Variants in RIMS2 observed in about 807,000 individuals in gnomAD.
The protein encoded by RIMS2 is regulating synaptic membrane exocytosis protein 2.
A neutral mutation model predicts 174.4 loss-of-function variants in RIMS2; 59 were observed. The observed-to-expected ratio is 0.34, with a 90% CI of 0.27 to 0.42. The LOEUF is 0.42. Ranked by LOEUF, RIMS2 falls within the 10% of genes least tolerant of loss-of-function variation. The pLI, the probability that RIMS2 is intolerant of heterozygous loss-of-function variation, is 1.00. For missense variants in RIMS2, 1,620 were observed against 1,666.3 expected (o/e 0.97, Z 0.48); for synonymous variants, 606 against 572.5 (o/e 1.06, Z -0.84).
chr8:103,800,608 C>T (rs546143996), intron 3 of RIMS2, among the ~76,000 whole-genome samples: 3 of 152,186 alleles, frequency 2.0e-5, no homozygotes, highest in South Asian at 2.1e-4. Flanking sequence ...TTTCCTCTTT[C>T]GTCTCTTTAT....
At chr8:103,879,921 T>A (rs1220056061) in intron 3 of RIMS2, among the ~76,000 whole-genome samples, 2 of 151,672 alleles carry the variant, frequency 1.3e-5, no homozygotes, top group Non-Finnish European at 3.0e-5. Flanking sequence ...AATCACTGAA[T>A]GAGCATTGAG....
At chr8:103,519,298 T>G (rs1230079489) in intron 1 of RIMS2, among the ~76,000 whole-genome samples, 2 of 152,126 alleles carry the variant, frequency 1.3e-5, no homozygotes, top group Non-Finnish European at 2.9e-5. Context: ...CATAAAACTC[T>G]CATTACTCAT....
rs544556193 is a variant in RIMS2 at position 103,726,047 on chromosome 8, A to G, written c.387+28751A>G. On this transcript the variant is annotated intron_variant, in intron 2 of 23. Coordinates refer to ENST00000504942, the Ensembl canonical transcript of RIMS2. ...ATTGACTTACAGATGTTCTCACTCTATATATACTGAACAAATATCATATAT... is the reference window on the plus strand; with the variant it reads ...ATTGACTTACAGATGTTCTCACTCTGTATATACTGAACAAATATCATATAT... Among the ~76,000 whole-genome samples the G allele has an allele frequency of 2.0e-5, 3 of 152,316 alleles. No individual in the cohort carries two copies. In the South Asian group the frequency reaches 6.2e-4, roughly 32 times the overall value.
intron 2 of RIMS2, among the ~76,000 whole-genome samples, chr8:103,720,580 T>G (rs889536433): frequency 2.0e-5 from 3 of 152,194 alleles, no homozygotes; most frequent in Non-Finnish European, 4.4e-5. Context: ...ATCACAAGTT[T>G]ATATATTACT....
chr8:103,637,422 A>G (rs2096114324), intron 1 of RIMS2, among the ~76,000 whole-genome samples: 2 of 152,154 alleles, frequency 1.3e-5, no homozygotes, highest in African/African-American at 2.4e-5. Context: ...TCACAAACTG[A>G]TTTGGAATGT....
chr8:103,557,559 G>C (rs1017784114), intron 1 of RIMS2, among the ~76,000 whole-genome samples: 2 of 152,140 alleles, frequency 1.3e-5, no homozygotes, highest in African/African-American at 2.4e-5. Context: ...TCCAGGCACT[G>C]TTCTAGAAAT....
intron 1 of RIMS2, among the ~76,000 whole-genome samples, chr8:103,536,392 G>GA (rs1350091893): frequency 6.6e-6 from 1 of 152,136 alleles, no homozygotes; most frequent in Admixed American, 6.5e-5. Context: ...GCAGAGTATA[G>GA]AAACGGTGAA....
intron 19 of RIMS2, among the ~76,000 whole-genome samples, chr8:104,206,144 G>A (rs2099079088): frequency 6.6e-6 from 1 of 152,042 alleles, no homozygotes; most frequent in Non-Finnish European, 1.5e-5. Context: ...AAAATTTTAG[G>A]TTGCCTCATG....
chr8:103,524,246 G>T (rs949386791), intron 1 of RIMS2, among the ~76,000 whole-genome samples: 2 of 151,486 alleles, frequency 1.3e-5, no homozygotes. Context: ...TGAAGAGAGA[G>T]TATAGAGAAT....
At chr8:103,936,771 C>G in intron 13 of RIMS2, 49 bp downstream of exon 15, 1 of 1,322,506 alleles carries the variant, frequency 7.6e-7, no homozygotes, top group South Asian at 1.4e-5. Context: ...ATCCTGAATA[C>G]TTTTATTTAT....
chr8:104,022,419 C>T (rs1197622424), intron 19 of RIMS2, among the ~76,000 whole-genome samples: 2 of 151,952 alleles, frequency 1.3e-5, no homozygotes, highest in Non-Finnish European at 2.9e-5. Context: ...CTTGCTCTCT[C>T]GCCCAGGCTG....
chr8:103,526,965 A>G (rs1019413067), intron 1 of RIMS2, among the ~76,000 whole-genome samples: 3 of 152,228 alleles, frequency 2.0e-5, no homozygotes, highest in South Asian at 2.1e-4. Context: ...GCATATCACA[A>G]TAATGGCCAA....
chr8:104,017,089 T>C (rs1031413673), intron 19 of RIMS2, among the ~76,000 whole-genome samples: 18 of 152,010 alleles, frequency 1.2e-4, no homozygotes, highest in African/African-American at 4.3e-4. Flanking sequence ...TTTTAAAGTG[T>C]TTTTATAAAT....
intron 1 of RIMS2, among the ~76,000 whole-genome samples, chr8:103,693,292 T>G (rs1394522052): frequency 6.6e-6 from 1 of 152,168 alleles, no homozygotes; most frequent in Non-Finnish European, 1.5e-5. Flanking sequence ...TTTAAGACTG[T>G]TTTTTCTACC....
intron 1 of RIMS2, among the ~76,000 whole-genome samples, chr8:103,665,263 C>T (rs908100878): frequency 6.6e-6 from 1 of 152,156 alleles, no homozygotes; most frequent in African/African-American, 2.4e-5. Context: ...TACCCTAGAA[C>T]TTAAAGTATA....
chr8:103,571,986 G>T (rs540726474), intron 1 of RIMS2, among the ~76,000 whole-genome samples: 4 of 152,268 alleles, frequency 2.6e-5, no homozygotes, highest in South Asian at 2.1e-4. Flanking sequence ...TCCAGCATTG[G>T]TTCCTTCCGG....
chr8:103,696,862 C>CAAAAAAAAAAAAAA (rs55852238), intron 1 of RIMS2, among the ~76,000 whole-genome samples: 5 of 53,720 alleles, frequency 9.3e-5, no homozygotes, highest in Non-Finnish European at 7.0e-5. Flanking sequence ...GACTTCGTCT[C>CAAAAAAAAAAAAAA]AAAAAAAAAA....
chr8:104,156,398 G>A (rs1031566188), intron 19 of RIMS2, among the ~76,000 whole-genome samples: 3 of 152,104 alleles, frequency 2.0e-5, no homozygotes, highest in Admixed American at 1.3e-4. Context: ...TGGGACATTG[G>A]GAAATTTATA....
At chr8:104,193,754 A>C (rs1192246133) in intron 19 of RIMS2, among the ~76,000 whole-genome samples, 2 of 152,162 alleles carry the variant, frequency 1.3e-5, no homozygotes, top group African/African-American at 4.8e-5. Context: ...TGAATTTGAA[A>C]ATCTTTTCAC....
Sources: gnomAD v4.1 joint callset for allele counts (sites outside exome capture counted in the v4.1 genomes callset) on GRCh38, gnomAD v4.1.1 for gene constraint, MANE v1.5 for transcripts, NCBI Gene and HGNC (gene_info 2026-07-23, HGNC 2026-07-21) for gene names.